RAG1: variants seen among roughly 807,000 people sequenced by gnomAD.
RAG1 encodes recombination activating 1.
Under a neutral mutation model 62.7 loss-of-function variants are expected in RAG1, and 35 were observed. The ratio of observed to expected loss-of-function variants is 0.56; its 90% CI spans 0.43 to 0.74. The LOEUF (loss-of-function observed/expected upper bound fraction) is 0.74. Among genes scored for constraint, RAG1 ranks in the 30% least tolerant of loss-of-function variants. RAG1 has a pLI of 0.00. For synonymous variants in RAG1, 461 were observed against 470.3 expected (o/e 0.98, Z 0.26); for missense variants, 1,169 against 1,278.6 (o/e 0.91, Z 1.31).
In RAG1 at chr11:36,575,094, T is replaced by C; in HGVS notation, c.1790T>C (p.Val597Ala). ...TACCTGAATGGCCCCTTCACTGTGG[T>C]GGTGAAGGAGTCTTGTGATGGAATG... The part of the protein sequence containing the change: ...DDYLNGPFTV[V>A]VKESCDGMGD... Residue 597 changes from valine to alanine, a missense_variant, in exon 2 of 2, where the codon GTG becomes GCG. Transcript: ENST00000299440. This position sits in a 1 kb window ranked among gnomAD's most constrained non-coding sequence, Gnocchi z 4.1. 1 of 1,614,012 alleles carries C rather than the reference T, an allele frequency of 6.2e-7. No individual in the cohort carries two copies. The highest frequency in any genetic ancestry group is 1.1e-5 in the South Asian group (1 of 91,052).
downstream of RAG1, among the ~76,000 whole-genome samples, chr11:36,538,057 T>C (rs750169363): frequency 1.2e-4 from 19 of 152,172 alleles, no homozygotes; most frequent in Non-Finnish European, 2.5e-4. Flanking sequence ...CCTTACTTGT[T>C]CAATGGAGGC....
intron 2 of RAG1, among the ~76,000 whole-genome samples, chr11:36,530,083 CTTAA>C (rs1202350645): frequency 4.6e-5 from 7 of 151,948 alleles, no homozygotes; most frequent in Non-Finnish European, 5.9e-5. Context: ...CCATTTTCGT[CTTAA>C]TTGTTAAATT....
intron 2 of RAG1, among the ~76,000 whole-genome samples, chr11:36,534,063 A>T (rs1203802590): frequency 6.6e-6 from 1 of 152,096 alleles, no homozygotes; most frequent in African/African-American, 2.4e-5. Flanking sequence ...GGTTAAAAAA[A>T]ATATTGATCC....
chr11:36,546,867 C>T (rs956885645), intron 3 of RAG1, among the ~76,000 whole-genome samples: 17 of 151,950 alleles, frequency 1.1e-4, no homozygotes, highest in Non-Finnish European at 5.9e-5. Context: ...AAATTCTTTT[C>T]TTTAAGAATG....
At chr11:36,521,512 A>G (rs772491257) in intron 2 of RAG1, among the ~76,000 whole-genome samples, 13 of 152,294 alleles carry the variant, frequency 8.5e-5, no homozygotes, top group Non-Finnish European at 1.9e-4. Flanking sequence ...TGAGTCCAAT[A>G]AACCTCCTTC....
At position 36,574,082 on chromosome 11, in the gene RAG1, A is replaced by G; in HGVS notation, c.778A>G (p.Lys260Glu). 6.2e-7 allele frequency: 1 copy of G among 1,614,174 alleles called. No homozygotes were observed. The highest frequency in any genetic ancestry group is 8.5e-7 in the Non-Finnish European group (1 of 1,180,028). ...KRRAQARISS[K>E]DVMKKIANCS... The stretch of plus-strand genomic sequence containing the variant: ...AAGAGCTCAGGCAAGGATCAGCAGC[A>G]AGGATGTCATGAAGAAGATCGCCAA... The change falls in exon 2 of 2, where the codon AAG (lysine) becomes GAG (glutamate). Residue 260 changes from lysine to glutamate, a missense_variant. Transcript: ENST00000299440.
rs1850869251 is a variant in RAG1 at position 36,577,506 on chromosome 11, T to C, written c.*1070T>C. On this transcript the variant is annotated 3_prime_UTR_variant, in exon 2 of 2. Coordinates refer to ENST00000299440, the MANE Select transcript of RAG1 (RefSeq NM_000448.3). ...TTTACTTTCAGTGGATTCAGAATTG[T>C]GTAGCAGGATAACCTTGTATTTTTC... The C allele has an allele frequency of 6.0e-6, 1 of 167,096 alleles. No homozygotes were observed. Among genetic ancestry groups the C allele is most frequent in the Non-Finnish European group, 1.5e-5 (1 of 68,120 alleles). 10.4% of individuals were successfully genotyped at this position (167,096 alleles called of 1,614,324 possible).
intron 2 of RAG1, among the ~76,000 whole-genome samples, chr11:36,523,029 T>C (rs1298190972): frequency 2.0e-5 from 3 of 152,218 alleles, no homozygotes; most frequent in African/African-American, 7.2e-5. Context: ...ACTTGCTTTG[T>C]CTCAGATGAG....
rs749669514 is a variant in RAG1 at position 36,575,179 on chromosome 11, T to C, written c.1875T>C (p.Phe625=). The C allele has an allele frequency of 1.4e-5, 22 of 1,614,186 alleles. No individual in the cohort carries two copies. The South Asian group carries it at 2.1e-4, about 15-fold the overall frequency. The change falls in exon 2 of 2, where the codon TTT becomes TTC. Residue 625 remains phenylalanine (F), a synonymous_variant. Transcript: ENST00000299440. This position sits in a 1 kb window ranked among gnomAD's most constrained non-coding sequence, Gnocchi z 4.1. ...GPVVPEKAVR[F]SFTIMKITIA... is the part of the protein sequence containing the mutation. ...TAGTTCCAGAAAAGGCAGTCCGTTT[T>C]TCATTCACAATCATGAAAATTACTA...
At chr11:36,540,195 G>A (rs754607788), downstream of RAG1, among the ~76,000 whole-genome samples, 8 of 152,106 alleles carry the variant, frequency 5.3e-5, no homozygotes, top group South Asian at 2.1e-4. Flanking sequence ...CTCCAAGAAT[G>A]TAATTCTCTG....
At chr11:36,517,200 G>A (rs1860007959) in intron 1 of RAG1, among the ~76,000 whole-genome samples, 1 of 152,156 alleles carries the variant, frequency 6.6e-6, no homozygotes, top group African/African-American at 2.4e-5. Context: ...TTCTTGAATT[G>A]CCCACAATGT....
downstream of RAG1, among the ~76,000 whole-genome samples, chr11:36,540,273 C>A (rs1415867011): frequency 6.6e-6 from 1 of 152,200 alleles, no homozygotes; most frequent in African/African-American, 2.4e-5. Flanking sequence ...TCTGAGACAA[C>A]CTGCTACAGC....
At chr11:36,513,889 C>T (rs1008819294) in intron 1 of RAG1, among the ~76,000 whole-genome samples, 4 of 152,164 alleles carry the variant, frequency 2.6e-5, no homozygotes, top group Admixed American at 1.3e-4. Flanking sequence ...TCCCACAACA[C>T]GTGGAAATTA....
chr11:36,518,990 A>G (rs1353823975), intron 1 of RAG1, among the ~76,000 whole-genome samples: 1 of 152,240 alleles, frequency 6.6e-6, no homozygotes, highest in Non-Finnish European at 1.5e-5. Flanking sequence ...GAATGAGCTA[A>G]TGATACTACT....
chr11:36,572,463 A>T (rs984587727), intron 1 of RAG1, among the ~76,000 whole-genome samples: 1 of 152,190 alleles, frequency 6.6e-6, no homozygotes, highest in African/African-American at 2.4e-5. Context: ...CTATAGTGCT[A>T]ATGACCATCG....
upstream of RAG1, among the ~76,000 whole-genome samples, chr11:36,565,175 G>A (rs929239395): frequency 4.6e-5 from 7 of 152,190 alleles, no homozygotes; most frequent in Non-Finnish European, 7.3e-5. Flanking sequence ...CTCAATGTCC[G>A]TAAACAGCAT....
In RAG1 at chr11:36,573,364, C is replaced by T. The variant is rs138801620; in HGVS notation, c.60C>T (p.His20=). Residue 20 remains histidine (H), a synonymous_variant, in exon 2 of 2, where the codon CAC becomes CAT. Transcript: ENST00000299440. ...GLSSAPDEIQ[H]PHIKFSEWKF... ...GTTCTGCCCCAGATGAAATTCAGCA[C>T]CCACATATTAAATTTTCAGAATGGA... 35 of 1,614,152 alleles carry T rather than the reference C, an allele frequency of 2.2e-5. No homozygotes were observed. The African/African-American group carries it at 3.9e-4, about 18-fold the overall frequency.
chr11:36,568,974 T>A (rs1173816090), intron 1 of RAG1, among the ~76,000 whole-genome samples: 1 of 152,136 alleles, frequency 6.6e-6, no homozygotes, highest in Non-Finnish European at 1.5e-5. Context: ...AATGAATAAG[T>A]GGAACAGGTG....
downstream of RAG1, among the ~76,000 whole-genome samples, chr11:36,537,210 C>T (rs892097499): frequency 7.2e-5 from 11 of 151,982 alleles, no homozygotes; most frequent in Non-Finnish European, 1.2e-4. Flanking sequence ...TGTTGTACAA[C>T]CTAGTATCTA....
Sources: gnomAD v4.1 joint callset for allele counts (sites outside exome capture counted in the v4.1 genomes callset) on GRCh38, gnomAD v4.1.1 for gene constraint, Gnocchi (gnomAD v3.1) non-coding constraint, MANE v1.5 for transcripts, NCBI Gene and HGNC (gene_info 2026-07-23, HGNC 2026-07-21) for gene names.